ANKMY1: variants seen among roughly 807,000 people sequenced by gnomAD.
The protein encoded by ANKMY1 is ankyrin repeat and MYND domain-containing protein 1.
ANKMY1 carries 98 observed loss-of-function variants against 102.0 expected under a neutral mutation model. The ratio of observed to expected loss-of-function variants is 0.96; its 90% CI spans 0.82 to 1.14. ANKMY1 has a LOEUF of 1.14. Among genes scored for constraint, ANKMY1 ranks in the 50% most tolerant of loss-of-function variants. ANKMY1 has a pLI of 0.00. For missense variants in ANKMY1, 1,330 were observed against 1,347.6 expected, an observed-to-expected ratio of 0.99 and a Z score of 0.20; for synonymous variants, 582 against 559.9, an observed-to-expected ratio of 1.04 and a Z score of -0.56.
In ANKMY1 at chr2:240,524,144, G is replaced by C. The variant is rs769318304; in HGVS notation, c.1573C>G (p.Pro525Ala). 22 of 1,613,824 alleles carry C rather than the reference G, an allele frequency of 1.4e-5. No individual in the cohort carries two copies. In the Admixed American group the frequency reaches 3.5e-4, roughly 26 times the overall value. Reference protein sequence around the residue: ...HRSSSLKGDSPLVKGSLGHVE... With the variant: ...HRSSSLKGDSALVKGSLGHVE... The stretch of plus-strand genomic sequence containing the variant: ...TGGCCAAGGCTGCCCTTCACCAACG[G>C]GGAGTCCCCCTTCAGAGAGCTGCTC... The change falls in exon 8 of 18, where the codon CCG becomes GCG. Residue 525 changes from proline to alanine, a missense_variant. Physicochemically the swap from Pro to Ala is conservative, Grantham distance 27 (BLOSUM62 -1). Transcript: ENST00000401804.
chr2:240,544,892 AG>A, intron 4 of ANKMY1, among the ~76,000 whole-genome samples: 1 of 152,370 alleles, frequency 6.6e-6, no homozygotes, highest in Non-Finnish European at 1.5e-5. Flanking sequence ...CTAGCACAGC[AG>A]TCTGAGATCA....
intron 13 of ANKMY1, 25 bp downstream of exon 13, chr2:240,507,535 G>A (rs74388234): frequency 0.082 from 130,425 of 1,586,260 alleles, 5,908 homozygotes; most frequent in South Asian, 0.16. Context: ...CCTCACCAGG[G>A]CCACCCCAGC....
chr2:240,491,091 CTTT>C (rs200434647), intron 15 of ANKMY1, among the ~76,000 whole-genome samples: 45 of 129,558 alleles, frequency 3.5e-4, no homozygotes, highest in Non-Finnish European at 3.8e-4. Context: ...ATGACTTTGT[CTTT>C]TTTTTTTTTT....
chr2:240,492,152 C>G (rs1488359024), intron 15 of ANKMY1, among the ~76,000 whole-genome samples: 1 of 151,990 alleles, frequency 6.6e-6, no homozygotes, highest in East Asian at 1.9e-4. Flanking sequence ...GCCATGACAC[C>G]CAGCTAATTT....
chr2:240,555,793 G>T (rs554300505), intron 2 of ANKMY1, among the ~76,000 whole-genome samples: 2 of 152,184 alleles, frequency 1.3e-5, no homozygotes, highest in Non-Finnish European at 2.9e-5. Flanking sequence ...GATGGATGGG[G>T]TGTCTCAGAC....
chr2:240,500,983 C>A (rs981595278), intron 13 of ANKMY1, among the ~76,000 whole-genome samples: 1 of 152,174 alleles, frequency 6.6e-6, no homozygotes, highest in Non-Finnish European at 1.5e-5. Context: ...AACAAGACAG[C>A]GAGTGCACGC....
In ANKMY1 at chr2:240,500,555, A is replaced by G. The variant is rs760357563; in HGVS notation, c.2537T>C (p.Leu846Pro). 14 of 1,613,964 alleles carry G rather than the reference A, an allele frequency of 8.7e-6. No individual in the cohort carries two copies. The highest frequency in any genetic ancestry group is 1.2e-5 in the Non-Finnish European group (14 of 1,179,870). ...MDSKLALIDR[L>P]ISHGADILKP... ...CAGGATGTCGGCCCCGTGACTGATG[A>G]GTCGGTCAATCTGTGGAGAACAGAA... is the stretch of plus-strand genomic sequence containing the variant. The change falls in exon 14 of 18, where the codon CTC (leucine) becomes CCC (proline). Residue 846 changes from leucine (L) to proline (P), a missense_variant. Transcript: ENST00000401804.
At chr2:240,536,868 A>G (rs1183774625) in intron 4 of ANKMY1, among the ~76,000 whole-genome samples, 2 of 152,092 alleles carry the variant, frequency 1.3e-5, no homozygotes, top group Admixed American at 6.6e-5. Flanking sequence ...CTAAATATTC[A>G]TTTTGATTTT....
chr2:240,516,440 T>C (rs1290078743), intron 9 of ANKMY1, among the ~76,000 whole-genome samples: 2 of 152,232 alleles, frequency 1.3e-5, no homozygotes, highest in Non-Finnish European at 2.9e-5. Context: ...CTAGGTTATA[T>C]GTATACAGAT....
At chr2:240,535,821 C>T (rs1017041426) in intron 4 of ANKMY1, among the ~76,000 whole-genome samples, 2 of 152,062 alleles carry the variant, frequency 1.3e-5, no homozygotes, top group African/African-American at 4.8e-5. Context: ...GGTGACAGAG[C>T]AAGACCCTGC....
At chr2:240,504,213 A>C (rs1018754380) in intron 13 of ANKMY1, among the ~76,000 whole-genome samples, 1 of 152,222 alleles carries the variant, frequency 6.6e-6, no homozygotes, top group African/African-American at 2.4e-5. Flanking sequence ...CTCTAGCAGA[A>C]GGGTCCTGCA....
At chr2:240,497,747 GT>G (rs2077451437) in intron 15 of ANKMY1, among the ~76,000 whole-genome samples, 1 of 152,128 alleles carries the variant, frequency 6.6e-6, no homozygotes, top group Admixed American at 6.5e-5. Flanking sequence ...AATGAAATCG[GT>G]TTCTTTGTGA....
chr2:240,494,917 G>A (rs2077050755), intron 15 of ANKMY1, among the ~76,000 whole-genome samples: 2 of 152,000 alleles, frequency 1.3e-5, no homozygotes, highest in African/African-American at 2.4e-5. Context: ...AATTATACTA[G>A]ATACAGATCA....
At chr2:240,505,461 C>CA (rs540912833) in intron 13 of ANKMY1, among the ~76,000 whole-genome samples, 212 of 137,122 alleles carry the variant, frequency 1.5e-3, no homozygotes, top group African/African-American at 1.9e-3. Context: ...GACTCTGACT[C>CA]AAAAAAAAAA....
At chr2:240,528,362 G>A (rs2084396423) in intron 5 of ANKMY1, among the ~76,000 whole-genome samples, 1 of 149,516 alleles carries the variant, frequency 6.7e-6, no homozygotes, top group South Asian at 2.1e-4. Flanking sequence ...TCTGGGTAGG[G>A]TAGGAGGGTT....
At chr2:240,473,001 T>C in the ANKMY1 span, among the ~76,000 whole-genome samples, 1 of 66,800 alleles carries the variant, frequency 1.5e-5, no homozygotes, top group Non-Finnish European at 2.9e-5. Context: ...GGTGCATGCT[T>C]GTAATCCCAC....
intron 4 of ANKMY1, among the ~76,000 whole-genome samples, chr2:240,532,440 C>G (rs896190652): frequency 7.2e-5 from 11 of 152,134 alleles, no homozygotes; most frequent in Non-Finnish European, 1.3e-4. Context: ...GAAAGTGACA[C>G]TTTGGGGAAG....
At chr2:240,559,689 G>A (rs1440185436), upstream of ANKMY1, among the ~76,000 whole-genome samples, 1 of 152,212 alleles carries the variant, frequency 6.6e-6, no homozygotes, top group African/African-American at 2.4e-5. Context: ...AGACCTCCAC[G>A]GAGGTGATGT....
chr2:240,520,129 G>T lies in ANKMY1; in HGVS notation c.2004+233C>A, dbSNP rs200833858. The T allele has an allele frequency of 1.3e-4, 94 of 747,464 alleles. 1 individual carries two copies. The highest frequency in any genetic ancestry group is 1.1e-4 in the Non-Finnish European group (47 of 418,062). The allele number at this position is 747,464 out of a possible 1,614,324, so 46.3% of individuals were successfully genotyped here. A position where few individuals can be genotyped will look rare whatever the true frequency, so the allele number is the denominator to read the frequency against. Reference sequence around the variant, plus strand: ...TCAACACTGGGAAAAAAATCACACGGATCGTGAAGTACTCTAAAAACTAGC... The same window carrying T: ...TCAACACTGGGAAAAAAATCACACGTATCGTGAAGTACTCTAAAAACTAGC... On this transcript the variant is annotated intron_variant, in intron 9 of 17. Coordinates refer to ENST00000401804, the MANE Select transcript of ANKMY1 (RefSeq NM_001282771.3). This position sits in a 1 kb window ranked among gnomAD's most constrained non-coding sequence, Gnocchi z 4.8.
Sources: gnomAD v4.1 joint callset for allele counts (sites outside exome capture counted in the v4.1 genomes callset) on GRCh38, gnomAD v4.1.1 for gene constraint, Gnocchi (gnomAD v3.1) non-coding constraint, MANE v1.5 for transcripts, NCBI Gene and HGNC (gene_info 2026-07-23, HGNC 2026-07-21) for gene names.